The following DHX29 variants were observed in gnomAD, a reference collection of about 807,000 sequenced individuals.
DHX29 encodes DExH-box helicase 29, also known as ATP-dependent RNA helicase DHX29.
DHX29 carries 79 observed loss-of-function variants against 167.9 expected under a neutral mutation model. That is an observed-to-expected ratio of 0.47 (90% CI 0.39 to 0.57). The LOEUF is 0.57. Ranked by LOEUF, DHX29 falls within the 20% of genes least tolerant of loss-of-function variation. The pLI is 0.00. For missense variants in DHX29, 1,347 were observed against 1,593.4 expected, an observed-to-expected ratio of 0.85 and a Z score of 2.63; for synonymous variants, 530 against 546.0, an observed-to-expected ratio of 0.97 and a Z score of 0.41.
intron 9 of DHX29, 41 bp from the exon 10 acceptor site, chr5:55,285,457 A>G: frequency 6.5e-7 from 1 of 1,542,242 alleles, no homozygotes; most frequent in East Asian, 2.3e-5. Flanking sequence ...TAAAGTTGAC[A>G]AAGTCAGATA....
At chr5:55,298,529 C>CT in intron 2 of DHX29, 62 bp downstream of exon 2, 3 of 1,038,408 alleles carry the variant, frequency 2.9e-6, no homozygotes, top group Non-Finnish European at 4.4e-6. Context: ...AAGGATACAT[C>CT]TTTTTTGGGG....
At chr5:55,283,084 C>G in intron 11 of DHX29, 119 bp downstream of exon 11, 1 of 1,101,406 alleles carries the variant, frequency 9.1e-7, no homozygotes, top group Non-Finnish European at 1.3e-6. Context: ...CTGAAATGTG[C>G]TACTGATCAA....
At chr5:55,285,526 C>A in intron 9 of DHX29, 110 bp from the exon 10 acceptor site, 2 of 1,269,968 alleles carry the variant, frequency 1.6e-6, no homozygotes, top group Non-Finnish European at 2.1e-6. Flanking sequence ...TTAAATATTT[C>A]CATGGAAGGC....
chr5:55,284,525 T>C (rs554021049), intron 10 of DHX29, among the ~76,000 whole-genome samples: 45 of 152,260 alleles, frequency 3.0e-4, no homozygotes, highest in African/African-American at 9.1e-4. Context: ...CTGGCAGAAA[T>C]AGGAAAAGAA....
intron 1 of DHX29, among the ~76,000 whole-genome samples, chr5:55,306,923 G>C (rs148059578): frequency 6.6e-6 from 1 of 152,150 alleles, no homozygotes. Flanking sequence ...TGTAAGTCCT[G>C]TAATTTTTAT....
At chr5:55,271,288 C>G (rs969337029) in intron 18 of DHX29, among the ~76,000 whole-genome samples, 13 of 152,164 alleles carry the variant, frequency 8.5e-5, no homozygotes, top group African/African-American at 1.4e-4. Context: ...AATTCAGTTA[C>G]AGTTACCTAT....
chr5:55,262,827 G>C lies in DHX29; in HGVS notation c.3631C>G (p.Gln1211Glu), dbSNP rs558940831. The C allele has an allele frequency of 4.3e-6, 7 of 1,614,074 alleles. No individual in the cohort carries two copies. The African/African-American group carries it at 8.0e-5, about 18-fold the overall frequency. ...GNRASQTLSFQEIALLKAVLV... is the reference protein window; with the variant it reads ...GNRASQTLSFEEIALLKAVLV... Reference sequence around the variant, plus strand: ...ACAGCTTTAAGAAGGGCAATTTCTTGGAATGAGAGGGTCTGTGAGGCTCTG... The same window carrying C: ...ACAGCTTTAAGAAGGGCAATTTCTTCGAATGAGAGGGTCTGTGAGGCTCTG... The change falls in exon 24 of 27, where the codon CAA becomes GAA. Residue 1211 changes from glutamine to glutamate, a missense_variant. Gln to Glu is a conservative substitution (Grantham distance 29, BLOSUM62 2). This residue lies in a region of DHX29 where 882 missense variants were observed against 1,082.4 expected (regional missense o/e 0.81). Coordinates refer to ENST00000251636, the MANE Select transcript of DHX29 (RefSeq NM_019030.4).
At chr5:55,272,670 T>C (rs1206272090) in intron 17 of DHX29, among the ~76,000 whole-genome samples, 1 of 151,920 alleles carries the variant, frequency 6.6e-6, no homozygotes, top group African/African-American at 2.4e-5. Context: ...GAGGCGGAGG[T>C]TGCAGTGAGC....
intron 1 of DHX29, among the ~76,000 whole-genome samples, chr5:55,306,804 A>G (rs1040860606): frequency 1.3e-5 from 2 of 152,218 alleles, no homozygotes; most frequent in African/African-American, 4.8e-5. Flanking sequence ...TCGGCCATCT[A>G]TAAGTTGAGT....
At position 55,270,643 on chromosome 5, in the gene DHX29, C is replaced by G. The variant is rs765471443; in HGVS notation, c.2928G>C (p.Leu976Phe). The change falls in exon 19 of 27, where the codon TTG becomes TTC. Residue 976 changes from leucine to phenylalanine, a missense_variant. Physicochemically the swap from Leu to Phe is conservative, Grantham distance 22. Transcript: ENST00000251636. ...CCCGCCCAGCTCTTCCCTGGCGCTG[C>G]AAAGCACTGGCTTTACTGACAAACG... ...VETFVSKASA[L>F]QRQGRAGRVR... The G allele has an allele frequency of 1.9e-6, 3 of 1,614,152 alleles. No individual in the cohort carries two copies. The South Asian group carries it at 3.3e-5, about 18-fold the overall frequency.
Position 55,285,859 on chromosome 5 carries a change from T to C in DHX29, c.1069A>G (p.Lys357Glu). ...SAAATEEEKD[K>E]KKEPHDVRNF... ...CTTACATCATGAGGTTCTTTCTTTT[T>C]ATCTAAAATGGTAAACAAAGATTGG... is the stretch of plus-strand genomic sequence containing the variant. The change falls in exon 9 of 27, where the codon AAA becomes GAA. Residue 357 changes from lysine to glutamate, a missense_variant and splice_region_variant. Coordinates refer to ENST00000251636, the MANE Select transcript of DHX29 (RefSeq NM_019030.4). 6.5e-7 allele frequency: 1 copy of C among 1,550,120 alleles called. No homozygotes were observed. Among genetic ancestry groups the C allele is most frequent in the South Asian group, 1.2e-5 (1 of 82,098 alleles).
intron 8 of DHX29, among the ~76,000 whole-genome samples, chr5:55,286,577 A>G (rs1371990244): frequency 6.6e-6 from 1 of 152,194 alleles, no homozygotes; most frequent in Admixed American, 6.5e-5. Flanking sequence ...TTACAGATAA[A>G]GTCCAAATTC....
At chr5:55,267,611 G>A in intron 22 of DHX29, 75 bp downstream of exon 22, 4 of 1,339,828 alleles carry the variant, frequency 3.0e-6, no homozygotes. Flanking sequence ...ATTTTAATAA[G>A]TCAAAGGTAA....
At chr5:55,286,109 T>C (rs978031544) in intron 8 of DHX29, among the ~76,000 whole-genome samples, 3 of 151,912 alleles carry the variant, frequency 2.0e-5, no homozygotes, top group African/African-American at 7.3e-5. Flanking sequence ...AAAAAAATTA[T>C]TCGGCGTGGT....
chr5:55,289,415 T>C lies in DHX29; in HGVS notation c.921A>G (p.Leu307=). The change falls in exon 8 of 27, where the codon TTA becomes TTG. Residue 307 remains leucine, a synonymous_variant. Coordinates refer to ENST00000251636, the MANE Select transcript of DHX29 (RefSeq NM_019030.4). ...IRKFQREMET[L]EDHPVFNPAM... is the part of the protein sequence containing the mutation. ...CTGGGTTAAATACTGGATGGTCTTC[T>C]AAAGTTTCCATTTCTACCAAGAAAA... The C allele has an allele frequency of 1.3e-6, 2 of 1,542,518 alleles. No individual in the cohort carries two copies. The highest frequency in any genetic ancestry group is 1.7e-6 in the Non-Finnish European group (2 of 1,156,522).
At chr5:55,271,409 T>C (rs563728484) in intron 18 of DHX29, among the ~76,000 whole-genome samples, 13 of 152,330 alleles carry the variant, frequency 8.5e-5, no homozygotes, top group East Asian at 1.9e-4. Context: ...GGCAGGCAGA[T>C]TGCCTGAGGT....
intron 13 of DHX29, 57 bp downstream of exon 13, chr5:55,277,049 A>G: frequency 2.2e-6 from 3 of 1,337,630 alleles, no homozygotes; most frequent in Admixed American, 2.0e-5. Flanking sequence ...TCTTCTAGGG[A>G]AAGAACCTGG....
chr5:55,281,751 A>G (rs1246232998), intron 11 of DHX29, among the ~76,000 whole-genome samples: 4 of 151,330 alleles, frequency 2.6e-5, no homozygotes, highest in Non-Finnish European at 1.5e-5. Flanking sequence ...GCTATAAAAT[A>G]TATTTCATAT....
Position 55,276,295 on chromosome 5 carries a change from T to G in DHX29, c.2398A>C (p.Ser800Arg), listed in dbSNP as rs557017711. 8.6e-5 allele frequency: 136 copies of G among 1,589,776 alleles called. 2 individuals carry two copies. The South Asian group carries it at 1.4e-3, about 17-fold the overall frequency. Reference sequence around the variant, plus strand: ...TATTTTTTTATTCCCCCTGCTTTGCTTGTAACATTAATGGTTACTTCTTCT... The same window carrying G: ...TATTTTTTTATTCCCCCTGCTTTGCGTGTAACATTAATGGTTACTTCTTCT... ...EEEEVTINVT[S>R]KAGGIKKYQE... Residue 800 changes from serine (S) to arginine (R), a missense_variant, in exon 14 of 27, where the codon AGC (serine) becomes CGC (arginine). Around this residue, in one of 3 missense-constraint regions of DHX29, gnomAD observed 882 missense variants for 1,082.4 expected, o/e 0.81. Coordinates refer to ENST00000251636, the MANE Select transcript of DHX29 (RefSeq NM_019030.4).
Sources: allele counts gnomAD v4.1 joint callset (sites outside exome capture counted in the v4.1 genomes callset), GRCh38; gene constraint gnomAD v4.1.1; regional missense constraint gnomAD v4.1.1; transcripts MANE v1.5; gene names NCBI Gene and HGNC (gene_info 2026-07-23, HGNC 2026-07-21).